The following SLC38A6 variants were observed in gnomAD, a reference collection of about 807,000 sequenced individuals.
The protein encoded by SLC38A6 is N system amino acid transporter NAT-1.
SLC38A6 carries 73 observed loss-of-function variants against 65.0 expected under a neutral mutation model. That is an observed-to-expected ratio of 1.12 (90% CI 0.93 to 1.37). The LOEUF is 1.37. Ranked by LOEUF, SLC38A6 falls within the 40% of genes most tolerant of loss-of-function variation. The pLI is 0.00. For synonymous variants in SLC38A6, 183 were observed against 178.8 expected (o/e 1.02, Z -0.19); for missense variants, 561 against 531.1 (o/e 1.06, Z -0.55).
At chr14:61,052,171 A>G (rs2042543842) in intron 15 of SLC38A6, 36 bp downstream of exon 15, 1 of 1,471,060 alleles carries the variant, frequency 6.8e-7, no homozygotes, top group Middle Eastern at 1.8e-4. Context: ...CAAGACTTCT[A>G]TTTTAAGAAA....
At chr14:61,082,349 T>G (rs1594809141) in intron 16 of SLC38A6, among the ~76,000 whole-genome samples, 1 of 152,134 alleles carries the variant, frequency 6.6e-6, no homozygotes, top group African/African-American at 2.4e-5. Context: ...TTTGATTTTG[T>G]TTTTTAACTT....
At chr14:61,076,870 G>T (rs1024482506) in intron 15 of SLC38A6, among the ~76,000 whole-genome samples, 1 of 152,224 alleles carries the variant, frequency 6.6e-6, no homozygotes, top group Non-Finnish European at 1.5e-5. Flanking sequence ...ATGTGTTCCA[G>T]TAGTTGTCAA....
intron 3 of SLC38A6, among the ~76,000 whole-genome samples, chr14:61,007,993 TG>T (rs1424264536): frequency 2.0e-5 from 3 of 152,174 alleles, no homozygotes; most frequent in Non-Finnish European, 4.4e-5. Context: ...TTCACATAGT[TG>T]GAAAAAATTC....
intron 8 of SLC38A6, among the ~76,000 whole-genome samples, chr14:61,041,271 T>C (rs990935919): frequency 1.3e-5 from 2 of 152,212 alleles, no homozygotes; most frequent in Non-Finnish European, 2.9e-5. Context: ...GTTCTGTACT[T>C]CTGCTTTGTG....
At chr14:60,981,779 G>T (rs1205972081) in intron 1 of SLC38A6, 22 of 1,215,544 alleles carry the variant, frequency 1.8e-5, no homozygotes, top group Non-Finnish European at 2.2e-5. Flanking sequence ...ACTTAGTCAT[G>T]GGGGGAGGGA....
intron 15 of SLC38A6, among the ~76,000 whole-genome samples, chr14:61,063,909 G>C (rs1304248026): frequency 6.6e-6 from 1 of 152,190 alleles, no homozygotes; most frequent in East Asian, 1.9e-4. Context: ...ATTAGGTGCA[G>C]ACCAAAACAG....
At chr14:61,043,612 T>G in intron 10 of SLC38A6, 109 bp downstream of exon 10, 1 of 695,816 alleles carries the variant, frequency 1.4e-6, no homozygotes, top group Non-Finnish European at 2.3e-6. Flanking sequence ...TAATTAATTT[T>G]CATGAAAGTG....
rs2036994941 is a variant in SLC38A6 at position 60,981,344 on chromosome 14, G to C, written c.67G>C (p.Glu23Gln). The C allele has an allele frequency of 4.3e-6, 7 of 1,610,250 alleles. No individual in the cohort carries two copies. The highest frequency in any genetic ancestry group is 5.9e-6 in the Non-Finnish European group (7 of 1,178,460). ...GWYVSVQQPE[E>Q]AEAEELSPLL... The stretch of plus-strand genomic sequence containing the variant: ...GTATGTCTCTGTCCAGCAGCCTGAA[G>C]AAGCGGAGGCCGAAGAGTTGAGTCC... The change falls in exon 1 of 16, where the codon GAA (glutamate) becomes CAA (glutamine). Residue 23 changes from glutamate to glutamine, a missense_variant. Transcript: ENST00000267488.
intron 15 of SLC38A6, among the ~76,000 whole-genome samples, chr14:61,062,832 C>T (rs1040776287): frequency 6.6e-5 from 10 of 152,112 alleles, no homozygotes; most frequent in East Asian, 1.9e-4. Context: ...AGGCGCACGC[C>T]ACCACACCCA....
rs182899206 is a variant in SLC38A6, at chr14:61,062,794, C to T, written c.1290+10659C>T. Among the ~76,000 whole-genome samples the T allele has an allele frequency of 4.3e-4, 65 of 152,290 alleles. No individual in the cohort carries two copies. The East Asian group carries it at 0.011, about 26-fold the overall frequency. ...CTCCTGGGTTCAAGCAATTCTAGTG[C>T]CTCAGCCTCCTGCATAGCTGGAATT... On this transcript the variant is annotated intron_variant, in intron 15 of 16. Coordinates refer to the SLC38A6 transcript ENST00000354886.
chr14:61,028,694 G>C (rs904543303), intron 5 of SLC38A6, among the ~76,000 whole-genome samples: 3 of 152,040 alleles, frequency 2.0e-5, no homozygotes, highest in Non-Finnish European at 2.9e-5. Context: ...CTGTACTTCT[G>C]CTAGGGAAAA....
At chr14:61,071,173 T>C (rs751441867) in intron 15 of SLC38A6, among the ~76,000 whole-genome samples, 10 of 152,238 alleles carry the variant, frequency 6.6e-5, no homozygotes, top group Admixed American at 2.6e-4. Context: ...ATAATTTAAT[T>C]AGCTAGTTTC....
rs111155254 is a variant in SLC38A6 at position 61,037,633 on chromosome 14, G to T, written c.574G>T (p.Gly192Cys). ...TTACTGTTATTTTACAGGCTTTCTT[G>T]GCTACACAAGTAGTTTATCATTTTT... is the stretch of plus-strand genomic sequence containing the variant. ...LALLPKIGFLGYTSSLSFFFM... is the reference protein window; with the variant it reads ...LALLPKIGFLCYTSSLSFFFM... The change falls in exon 8 of 16, where the codon GGC becomes TGC. Residue 192 changes from glycine (G) to cysteine (C), a missense_variant. Physicochemically the swap from Gly to Cys is radical, Grantham distance 159 (BLOSUM62 -3). Coordinates refer to ENST00000267488, the MANE Select transcript of SLC38A6 (RefSeq NM_153811.3). 6.3e-7 allele frequency: 1 copy of T among 1,591,174 alleles called. No individual in the cohort carries two copies. The highest frequency in any genetic ancestry group is 8.6e-7 in the Non-Finnish European group (1 of 1,166,182).
chr14:61,054,624 C>A (rs147655879), downstream of SLC38A6, among the ~76,000 whole-genome samples: 1 of 152,130 alleles, frequency 6.6e-6, no homozygotes, highest in African/African-American at 2.4e-5. Flanking sequence ...GTATTTTATT[C>A]TTTTTGTGGC....
At chr14:61,048,636 G>A (rs1481432908) in intron 12 of SLC38A6, among the ~76,000 whole-genome samples, 4 of 152,114 alleles carry the variant, frequency 2.6e-5, no homozygotes, top group African/African-American at 9.7e-5. Flanking sequence ...TCAAGATTCA[G>A]GAGCTGCTTT....
At chr14:61,015,802 A>G in intron 3 of SLC38A6, 102 bp from the exon 4 acceptor site, 1 of 820,050 alleles carries the variant, frequency 1.2e-6, no homozygotes, top group Non-Finnish European at 1.8e-6. Context: ...GGATCATAAG[A>G]ATTATACTGT....
intron 3 of SLC38A6, among the ~76,000 whole-genome samples, chr14:61,001,303 G>C (rs2038693735): frequency 6.6e-6 from 1 of 152,174 alleles, no homozygotes; most frequent in African/African-American, 2.4e-5. Context: ...TAGTGGCAAG[G>C]TTGAGAAACC....
At chr14:61,080,188 C>G (rs1171537399) in intron 16 of SLC38A6, among the ~76,000 whole-genome samples, 1 of 152,240 alleles carries the variant, frequency 6.6e-6, no homozygotes, top group Non-Finnish European at 1.5e-5. Context: ...CTTGCTTTTA[C>G]TCTTCTTCAT....
chr14:61,011,585 C>T (rs1260036816), intron 3 of SLC38A6, among the ~76,000 whole-genome samples: 1 of 152,166 alleles, frequency 6.6e-6, no homozygotes, highest in Non-Finnish European at 1.5e-5. Context: ...GAGTTTTTAG[C>T]ATGAATGGGC....
Sources: allele counts gnomAD v4.1 joint callset (sites outside exome capture counted in the v4.1 genomes callset), GRCh38; gene constraint gnomAD v4.1.1; transcripts MANE v1.5; gene names NCBI Gene and HGNC (gene_info 2026-07-23, HGNC 2026-07-21).